Variants in NUP42 observed in about 807,000 individuals in gnomAD.
NUP42 encodes the protein nucleoporin NUP42.
In NUP42, 47 loss-of-function variants were observed where a neutral mutation model predicts 35.9. The observed-to-expected ratio is 1.31, with a 90% CI of 1.04 to 1.67. The LOEUF is 1.67. Ranked by LOEUF, NUP42 falls within the 40% of genes most tolerant of loss-of-function variation. The pLI is 0.00. For synonymous variants in NUP42, 173 were observed against 173.3 expected (o/e 1.00, Z 0.01); for missense variants, 514 against 492.2 (o/e 1.04, Z -0.42).
At chr7:23,185,965 C>T (rs921595648) in intron 2 of NUP42, among the ~76,000 whole-genome samples, 3 of 138,490 alleles carry the variant, frequency 2.2e-5, no homozygotes, top group Non-Finnish European at 5.1e-5. Flanking sequence ...GTCTTGAACT[C>T]TTGACCTCAA....
intron 3 of NUP42, chr7:23,194,984 G>C (rs1258768328): frequency 6.6e-6 from 1 of 152,220 alleles, no homozygotes; most frequent in Admixed American, 6.6e-5. Context: ...CACCGTGCCC[G>C]GCCCTAGTTT....
Position 23,189,623 on chromosome 7 carries a change from A to T in NUP42, c.445+2477A>T, listed in dbSNP as rs1182584921. On this transcript the variant is annotated intron_variant, in intron 3 of 6. Transcript: ENST00000258742. ...GAGCGAGACCCTGTCTCTTTAAAAA[A>T]TTTTTTTGGCTGTGCACGGTGGCTC... 2.6e-5 allele frequency among the ~76,000 whole-genome samples: 4 copies of T among 151,488 alleles called. No homozygotes were observed. The East Asian group carries it at 5.8e-4, about 22-fold the overall frequency.
In NUP42 at chr7:23,199,525, C is replaced by T; in HGVS notation, c.677C>T (p.Ala226Val). 1 of 1,613,812 alleles carries T rather than the reference C, an allele frequency of 6.2e-7. No individual in the cohort carries two copies. Among genetic ancestry groups the T allele is most frequent in the Non-Finnish European group, 8.5e-7 (1 of 1,179,792 alleles). The part of the protein sequence containing the change: ...PAFGFGSSQA[A>V]TFMSPGFPVN... ...TTTGGATTTGGCAGCAGTCAAGCAG[C>T]AACATTTATGTCGCCAGGTAAGTGA... The change falls in exon 6 of 7, where the codon GCA (alanine) becomes GTA (valine). Residue 226 changes from alanine to valine, a missense_variant. Ala to Val is a moderately conservative substitution (Grantham distance 64). Coordinates refer to ENST00000258742, the MANE Select transcript of NUP42 (RefSeq NM_007342.3).
chr7:23,192,389 C>T (rs1461196673), intron 3 of NUP42, among the ~76,000 whole-genome samples: 1 of 150,964 alleles, frequency 6.6e-6, no homozygotes, highest in Admixed American at 6.6e-5. Flanking sequence ...ACTAAAAATA[C>T]AAAAAAAATT....
chr7:23,197,445 T>C (rs1786052022), intron 5 of NUP42, among the ~76,000 whole-genome samples: 1 of 152,244 alleles, frequency 6.6e-6, no homozygotes, highest in South Asian at 2.1e-4. Flanking sequence ...TTCTTAAATA[T>C]GTGCTTCCTG....
At chr7:23,195,036 A>C (rs1253948793) in intron 3 of NUP42, 1 of 152,258 alleles carries the variant, frequency 6.6e-6, no homozygotes, top group Non-Finnish European at 1.5e-5. Context: ...TGGTACTAAA[A>C]ATATTAGAAT....
At chr7:23,189,679 G>A (rs1163199067) in intron 3 of NUP42, among the ~76,000 whole-genome samples, 2 of 151,792 alleles carry the variant, frequency 1.3e-5, no homozygotes. Flanking sequence ...TTGGGAGGCC[G>A]AGGTGGGTGG....
rs540635561 is a variant in NUP42 at position 23,187,980 on chromosome 7, T to G, written c.445+834T>G. Reference sequence around the variant, plus strand: ...GCCTGGAATAGCATTTGCTTTAGAATATTCTCTCTCTCTTTTTTTATTTTT... The same window carrying G: ...GCCTGGAATAGCATTTGCTTTAGAAGATTCTCTCTCTCTTTTTTTATTTTT... On this transcript the variant is annotated intron_variant, in intron 3 of 6. Coordinates refer to ENST00000258742, the MANE Select transcript of NUP42 (RefSeq NM_007342.3). 1.0e-4 allele frequency: 81 copies of G among 811,300 alleles called. 1 individual carries two copies. The highest frequency in any genetic ancestry group is 1.8e-4 in the African/African-American group (10 of 55,400). The allele number at this position is 811,300 out of a possible 1,614,324, so 50.3% of individuals were successfully genotyped here. A position where few individuals can be genotyped will look rare whatever the true frequency, so the allele number is the denominator to read the frequency against.
Position 23,182,109 on chromosome 7 carries a change from T to G in NUP42, c.24T>G (p.Leu8=). MAICQFF[L]QGRCRFGDRC... ...CAATGGCCATTTGTCAATTCTTCCTTCAAGGCCGGTGCCGCTTTGGAGATC... is the reference window on the plus strand; with the variant it reads ...CAATGGCCATTTGTCAATTCTTCCTGCAAGGCCGGTGCCGCTTTGGAGATC... Residue 8 remains leucine, a synonymous_variant, in exon 1 of 7, where the codon CTT becomes CTG. Coordinates refer to ENST00000258742, the MANE Select transcript of NUP42 (RefSeq NM_007342.3). 1 of 1,614,146 alleles carries G rather than the reference T, an allele frequency of 6.2e-7. No individual in the cohort carries two copies. The highest frequency in any genetic ancestry group is 8.5e-7 in the Non-Finnish European group (1 of 1,180,040).
At position 23,192,051 on chromosome 7, in the gene NUP42, T is replaced by A. The variant is rs571139792; in HGVS notation, c.446-3788T>A. Reference sequence around the variant, plus strand: ...TAAAAATAACCTGATATCACAGAGGTAACTACTACATTTTAGTATATTTCT... The same window carrying A: ...TAAAAATAACCTGATATCACAGAGGAAACTACTACATTTTAGTATATTTCT... On this transcript the variant is annotated intron_variant, in intron 3 of 6. Coordinates refer to ENST00000258742, the MANE Select transcript of NUP42 (RefSeq NM_007342.3). Among the ~76,000 whole-genome samples, 8 of 152,260 alleles carry A rather than the reference T, an allele frequency of 5.3e-5. No individual in the cohort carries two copies. The South Asian group carries it at 8.3e-4, about 16-fold the overall frequency.
intron 5 of NUP42, among the ~76,000 whole-genome samples, chr7:23,197,915 T>C (rs1407519441): frequency 1.3e-5 from 2 of 151,550 alleles, no homozygotes; most frequent in African/African-American, 2.4e-5. Flanking sequence ...TTTGTAGTGA[T>C]AGAAAGCAGA....
At chr7:23,187,362 A>G (rs1414373983) in intron 3 of NUP42, 1 of 369,916 alleles carries the variant, frequency 2.7e-6, no homozygotes, top group Non-Finnish European at 4.8e-6. Flanking sequence ...TTGGGAGAAA[A>G]CATTTAAATA....
chr7:23,197,380 G>C, intron 5 of NUP42: 1 of 353,242 alleles, frequency 2.8e-6, no homozygotes, highest in East Asian at 7.7e-5. Context: ...AAGGATATGA[G>C]AGTAATGTCT....
At chr7:23,191,714 G>A (rs561747118) in intron 3 of NUP42, among the ~76,000 whole-genome samples, 1 of 152,194 alleles carries the variant, frequency 6.6e-6, no homozygotes, top group Non-Finnish European at 1.5e-5. Context: ...GGCCAGATGT[G>A]GTGGCTCATG....
chr7:23,184,328 C>G (rs929117819), intron 1 of NUP42, among the ~76,000 whole-genome samples: 1 of 152,106 alleles, frequency 6.6e-6, no homozygotes, highest in Non-Finnish European at 1.5e-5. Context: ...AACTTTAATT[C>G]AATGTCCATT....
intron 4 of NUP42, chr7:23,196,219 A>C (rs772596255): frequency 2.5e-5 from 5 of 203,112 alleles, no homozygotes; most frequent in African/African-American, 7.0e-5. Context: ...GTACCAATCC[A>C]GTGATGAATG....
chr7:23,200,353 G>A lies in NUP42; in HGVS notation c.880G>A (p.Glu294Lys), dbSNP rs1409364224. The A allele has an allele frequency of 6.2e-7, 1 of 1,612,754 alleles. No homozygotes were observed. The highest frequency in any genetic ancestry group is 1.3e-5 in the African/African-American group (1 of 74,914). ...SAPAFGFGKP[E>K]VTSAASFSFK... ...TCCAGCTTTTGGATTTGGGAAGCCT[G>A]AAGTCACATCGGCTGCATCATTTTC... Residue 294 changes from glutamate to lysine, a missense_variant, in exon 7 of 7, where the codon GAA becomes AAA. Glu to Lys is a moderately conservative substitution (Grantham distance 56). Transcript: ENST00000258742.
At chr7:23,189,575 A>G (rs1271492567) in intron 3 of NUP42, among the ~76,000 whole-genome samples, 1 of 152,172 alleles carries the variant, frequency 6.6e-6, no homozygotes, top group Non-Finnish European at 1.5e-5. Context: ...TGATGGTGCC[A>G]CCACACTCCA....
At chr7:23,191,913 A>C (rs900367463) in intron 3 of NUP42, among the ~76,000 whole-genome samples, 1 of 152,164 alleles carries the variant, frequency 6.6e-6, no homozygotes, top group African/African-American at 2.4e-5. Flanking sequence ...GGCGGCAGTG[A>C]GCCACTGCAC....
Sources: allele counts gnomAD v4.1 joint callset (sites outside exome capture counted in the v4.1 genomes callset), GRCh38; gene constraint gnomAD v4.1.1; transcripts MANE v1.5; gene names NCBI Gene and HGNC (gene_info 2026-07-23, HGNC 2026-07-21).